WIPI2: variants seen among roughly 807,000 people sequenced by gnomAD.
The protein encoded by WIPI2 is WD repeat domain phosphoinositide-interacting protein 2.
Under a neutral mutation model 52.3 loss-of-function variants are expected in WIPI2, and 28 were observed. That is an observed-to-expected ratio of 0.54 (90% CI 0.40 to 0.73). WIPI2 has a LOEUF of 0.73. WIPI2 is among the 30% of genes least tolerant of loss of function. WIPI2 has a pLI of 0.00. For missense variants in WIPI2, 506 were observed against 602.9 expected (o/e 0.84, Z 1.68); for synonymous variants, 268 against 245.0 (o/e 1.09, Z -0.88).
intron 2 of WIPI2, among the ~76,000 whole-genome samples, chr7:5,194,719 C>T (rs1307928469): frequency 6.6e-6 from 1 of 152,164 alleles, no homozygotes; most frequent in African/African-American, 2.4e-5. Context: ...AAGTGATCCT[C>T]CCGCCTGGGT....
Position 5,193,156 on chromosome 7 carries a change from G to C in WIPI2, c.113G>C (p.Arg38Pro). ...GCATCAAGAGCAGCTGGTCTTGGCC[G>C]TCGCGCTGTTGTCTGGTTAGTTCCA... ...KGASRAAGLGRRAVVWSLAVG... is the reference protein window; with the variant it reads ...KGASRAAGLGPRAVVWSLAVG... Residue 38 changes from arginine to proline, a missense_variant, in exon 2 of 13, where the codon CGT becomes CCT. Physicochemically the swap from Arg to Pro is moderately radical, Grantham distance 103 (BLOSUM62 -2). Around this residue, in one of 4 missense-constraint regions of WIPI2, gnomAD observed 60 missense variants for 49.7 expected, o/e 1.21. Transcript: ENST00000288828. 1 of 1,613,742 alleles carries C rather than the reference G, an allele frequency of 6.2e-7. No individual in the cohort carries two copies. Among genetic ancestry groups the C allele is most frequent in the Non-Finnish European group, 8.5e-7 (1 of 1,179,974 alleles).
intron 11 of WIPI2, among the ~76,000 whole-genome samples, chr7:5,228,751 G>C (rs1481881529): frequency 1.3e-5 from 2 of 152,176 alleles, no homozygotes; most frequent in East Asian, 1.9e-4. Context: ...TTATTTTAGA[G>C]ATAGGGTCTC....
At chr7:5,213,790 G>A (rs965808494) in intron 3 of WIPI2, among the ~76,000 whole-genome samples, 4 of 151,686 alleles carry the variant, frequency 2.6e-5, no homozygotes, top group South Asian at 2.1e-4. Flanking sequence ...GGTTCACACC[G>A]TTCTCCTGCC....
intron 6 of WIPI2, chr7:5,217,408 G>C: frequency 1.8e-6 from 1 of 542,306 alleles, no homozygotes; most frequent in South Asian, 1.9e-5. Flanking sequence ...GGGCTCAATT[G>C]ATCCTCCTGC....
At chr7:5,210,068 C>T (rs942761517) in intron 3 of WIPI2, among the ~76,000 whole-genome samples, 16 of 151,834 alleles carry the variant, frequency 1.1e-4, no homozygotes, top group Non-Finnish European at 2.1e-4. Flanking sequence ...CCGCGATGCC[C>T]GGCTCATTTT....
At chr7:5,216,709 A>C (rs765437836) in intron 5 of WIPI2, 50 bp downstream of exon 5, 1 of 1,567,012 alleles carries the variant, frequency 6.4e-7, no homozygotes, top group South Asian at 1.1e-5. Context: ...TTTGCCCTTG[A>C]AAGATAGCTA....
At position 5,199,686 on chromosome 7, in the gene WIPI2, C is replaced by A. The variant is rs766847388; in HGVS notation, c.211+28C>A. 1.4e-5 allele frequency: 21 copies of A among 1,449,866 alleles called. No homozygotes were observed. The Admixed American group carries it at 3.0e-4, about 21-fold the overall frequency. The allele number at this position is 1,449,866 out of a possible 1,614,324, so 89.8% of individuals were successfully genotyped here. ...AAGTGTTTGCTTTATTTTTCCCCTT[C>A]TTAAAAAAAAAAAAAAAAGTTGTAC... is the stretch of plus-strand genomic sequence containing the variant. On this transcript the variant is annotated intron_variant, in intron 3 of 12. Coordinates refer to ENST00000288828, the MANE Select transcript of WIPI2 (RefSeq NM_015610.4).
intron 9 of WIPI2, 118 bp downstream of exon 9, chr7:5,226,048 A>G: frequency 9.9e-7 from 1 of 1,014,748 alleles, no homozygotes; most frequent in Non-Finnish European, 1.5e-6. Context: ...GCCAGTGAAG[A>G]CCCCGGAGCT....
rs1214253691 is a variant in WIPI2, at chr7:5,230,778, A to T, written c.1253-57A>T. The T allele has an allele frequency of 1.3e-5, 18 of 1,349,862 alleles. No individual in the cohort carries two copies. The highest frequency in any genetic ancestry group is 1.9e-5 in the Non-Finnish European group (18 of 962,854). The allele number at this position is 1,349,862 out of a possible 1,614,324, so 83.6% of individuals were successfully genotyped here. A position where few individuals can be genotyped will look rare whatever the true frequency, so the allele number is the denominator to read the frequency against. ...CAAAACACAGTCCTCAGTGTGTGTC[A>T]TGGGGTCTGTGGTGTGTCCCCAGCC... is the stretch of plus-strand genomic sequence containing the variant. On this transcript the variant is annotated intron_variant, in intron 12 of 12. Coordinates refer to ENST00000288828, the MANE Select transcript of WIPI2 (RefSeq NM_015610.4). This position sits in a 1 kb window ranked among gnomAD's most constrained non-coding sequence, Gnocchi z 4.8.
At chr7:5,216,393 C>T in intron 4 of WIPI2, 170 bp from the exon 5 acceptor site, 1 of 539,328 alleles carries the variant, frequency 1.9e-6, no homozygotes, top group Non-Finnish European at 3.4e-6. Flanking sequence ...GATCACACCA[C>T]TGCACTCCAG....
intron 2 of WIPI2, among the ~76,000 whole-genome samples, chr7:5,193,551 T>C (rs1781583632): frequency 6.6e-6 from 1 of 152,210 alleles, no homozygotes; most frequent in Non-Finnish European, 1.5e-5. Flanking sequence ...CCTCTCTTTG[T>C]TCATCTGTAA....
chr7:5,206,087 G>A (rs370527888), intron 3 of WIPI2, among the ~76,000 whole-genome samples: 45 of 151,964 alleles, frequency 3.0e-4, no homozygotes, highest in African/African-American at 1.0e-3. Flanking sequence ...AAATGCATTG[G>A]TCTTTTTTTC....
intron 3 of WIPI2, among the ~76,000 whole-genome samples, chr7:5,207,592 G>A (rs1405593031): frequency 2.0e-5 from 3 of 151,970 alleles, no homozygotes; most frequent in Non-Finnish European, 2.9e-5. Flanking sequence ...GAACATTCTC[G>A]TACAAGTCTT....
chr7:5,219,288 A>G (rs1358844713), intron 7 of WIPI2, among the ~76,000 whole-genome samples: 1 of 152,196 alleles, frequency 6.6e-6, no homozygotes, highest in Non-Finnish European at 1.5e-5. Context: ...GATTCTAATT[A>G]TGCTAGACTA....
intron 4 of WIPI2, 134 bp downstream of exon 4, chr7:5,214,838 C>A: frequency 1.0e-6 from 1 of 980,744 alleles, no homozygotes; most frequent in Admixed American, 2.1e-5. Flanking sequence ...CAGATCCTTG[C>A]CTACAGAGAC....
intron 3 of WIPI2, chr7:5,214,175 T>C: frequency 1.0e-6 from 1 of 971,622 alleles, no homozygotes. Flanking sequence ...TGCAGTTTCG[T>C]AGTAGTTTGT....
At chr7:5,205,174 C>T (rs1223870700) in intron 3 of WIPI2, among the ~76,000 whole-genome samples, 1 of 152,172 alleles carries the variant, frequency 6.6e-6, no homozygotes, top group African/African-American at 2.4e-5. Flanking sequence ...CGGGGTTTCA[C>T]CATGTTGGCT....
chr7:5,200,134 A>T (rs1282741640), intron 3 of WIPI2, among the ~76,000 whole-genome samples: 1 of 152,116 alleles, frequency 6.6e-6, no homozygotes, highest in Admixed American at 6.5e-5. Context: ...TTGCTCAGTC[A>T]TGTTTTGTGT....
intron 8 of WIPI2, among the ~76,000 whole-genome samples, chr7:5,225,082 G>A (rs1360333548): frequency 2.6e-5 from 4 of 151,600 alleles, no homozygotes; most frequent in African/African-American, 7.2e-5. Context: ...TTGGGATGCC[G>A]ATTGATTTTT....
Sources: gnomAD v4.1 joint callset for allele counts (sites outside exome capture counted in the v4.1 genomes callset) on GRCh38, gnomAD v4.1.1 for gene constraint, gnomAD v4.1.1 regional missense constraint, Gnocchi (gnomAD v3.1) non-coding constraint, MANE v1.5 for transcripts, NCBI Gene and HGNC (gene_info 2026-07-23, HGNC 2026-07-21) for gene names.